The following MAGI2 variants were observed in gnomAD, a reference collection of about 807,000 sequenced individuals.
MAGI2 encodes membrane-associated guanylate kinase, WW and PDZ domain-containing protein 2.
In MAGI2, 35 loss-of-function variants were observed where a neutral mutation model predicts 133.3. That is an observed-to-expected ratio of 0.26 (90% confidence interval 0.20 to 0.35). MAGI2 has a LOEUF of 0.35. Among genes scored for constraint, MAGI2 ranks in the 10% least tolerant of loss-of-function variants. The probability of loss-of-function intolerance (pLI) is 1.00; values close to 1 mark genes in which losing one functional copy is unlikely to be tolerated. For missense variants in MAGI2, 1,636 were observed against 1,863.4 expected, an observed-to-expected ratio of 0.88 and a Z score of 2.25; for synonymous variants, 729 against 710.6, an observed-to-expected ratio of 1.03 and a Z score of -0.41.
At chr7:79,107,158 A>G (rs1423024030) in intron 1 of MAGI2, among the ~76,000 whole-genome samples, 1 of 152,186 alleles carries the variant, frequency 6.6e-6, no homozygotes, top group East Asian at 1.9e-4. Context: ...GTCTAACCAC[A>G]TGAATAAGTG....
intron 1 of MAGI2, among the ~76,000 whole-genome samples, chr7:79,208,499 C>G (rs1291156868): frequency 2.6e-5 from 4 of 151,924 alleles, no homozygotes; most frequent in African/African-American, 9.7e-5. Context: ...GATGTCACCT[C>G]ACACCTGTTA....
chr7:78,619,589 G>A (rs1264896610), intron 3 of MAGI2, among the ~76,000 whole-genome samples: 1 of 151,882 alleles, frequency 6.6e-6, no homozygotes, highest in Non-Finnish European at 1.5e-5. Context: ...AGAAAAAAGT[G>A]CTTAGAAATA....
intron 2 of MAGI2, among the ~76,000 whole-genome samples, chr7:78,869,942 T>C (rs1465824190): frequency 1.3e-5 from 2 of 152,204 alleles, no homozygotes; most frequent in Non-Finnish European, 2.9e-5. Flanking sequence ...TTCTGCTTCA[T>C]TGGTCTTTGT....
intron 9 of MAGI2, among the ~76,000 whole-genome samples, chr7:78,282,164 A>T (rs543238865): frequency 9.8e-5 from 14 of 143,532 alleles, no homozygotes; most frequent in African/African-American, 4.0e-4. Context: ...CTTTGGATTT[A>T]AAAAGAAGCT....
intron 2 of MAGI2, among the ~76,000 whole-genome samples, chr7:78,748,158 TAA>T (rs11301409): frequency 0.013 from 1,937 of 149,342 alleles, 48 homozygotes; most frequent in African/African-American, 0.044. Flanking sequence ...CTTGAGGATT[TAA>T]AAAAAAAAAA....
chr7:78,577,472 T>G (rs1221614338), intron 3 of MAGI2, among the ~76,000 whole-genome samples: 1 of 152,216 alleles, frequency 6.6e-6, no homozygotes, highest in Non-Finnish European at 1.5e-5. Context: ...GAAATTATGC[T>G]GATTTTCATG....
At chr7:78,096,555 A>T (rs1411339057) in intron 20 of MAGI2, among the ~76,000 whole-genome samples, 1 of 152,220 alleles carries the variant, frequency 6.6e-6, no homozygotes, top group East Asian at 1.9e-4. Context: ...TTAACATTGG[A>T]ATTAATGTAT....
intron 1 of MAGI2, among the ~76,000 whole-genome samples, chr7:79,163,741 G>A (rs2129547948): frequency 6.6e-6 from 1 of 152,100 alleles, no homozygotes; most frequent in East Asian, 2.0e-4. Flanking sequence ...GTTGTTTACT[G>A]CCCTCTGATT....
At chr7:79,331,847 C>A (rs1437238345) in intron 1 of MAGI2, among the ~76,000 whole-genome samples, 2 of 151,860 alleles carry the variant, frequency 1.3e-5, no homozygotes, top group Non-Finnish European at 2.9e-5. Context: ...CTAGTTCCAT[C>A]TCTTTATGAT....
chr7:78,207,528 A>G (rs992617813), intron 10 of MAGI2, among the ~76,000 whole-genome samples: 1 of 152,358 alleles, frequency 6.6e-6, no homozygotes, highest in Admixed American at 6.5e-5. Flanking sequence ...AATGTAAGCC[A>G]GCAGAGTCAT....
intron 1 of MAGI2, among the ~76,000 whole-genome samples, chr7:79,380,962 C>T (rs973651442): frequency 4.0e-5 from 6 of 151,828 alleles, no homozygotes; most frequent in African/African-American, 1.4e-4. Flanking sequence ...TAACAATGGG[C>T]TACTCTCTTT....
intron 6 of MAGI2, among the ~76,000 whole-genome samples, chr7:78,430,535 A>G (rs1414786149): frequency 6.6e-6 from 1 of 152,042 alleles, no homozygotes; most frequent in Non-Finnish European, 1.5e-5. Context: ...ATTATAAACC[A>G]TTTCTTCTGA....
At chr7:79,452,121 A>T (rs1849312715) in intron 1 of MAGI2, among the ~76,000 whole-genome samples, 1 of 152,006 alleles carries the variant, frequency 6.6e-6, no homozygotes, top group African/African-American at 2.4e-5. Flanking sequence ...CTCCTCCCCC[A>T]AAACACGCCC....
At chr7:79,353,371 C>G in intron 1 of MAGI2, 1 of 439,508 alleles carries the variant, frequency 2.3e-6, no homozygotes, top group Non-Finnish European at 4.6e-6. Flanking sequence ...GGAAGCCTTG[C>G]TGTCTCTGGC....
At chr7:78,396,780 G>C (rs1040492748) in intron 6 of MAGI2, among the ~76,000 whole-genome samples, 3 of 152,138 alleles carry the variant, frequency 2.0e-5, no homozygotes, top group Admixed American at 2.0e-4. Flanking sequence ...AGTGAAGAGG[G>C]TGATGTGATG....
At chr7:78,148,489 TA>T (rs1169671604) in intron 16 of MAGI2, among the ~76,000 whole-genome samples, 3 of 151,866 alleles carry the variant, frequency 2.0e-5, no homozygotes, top group African/African-American at 7.3e-5. Flanking sequence ...ACCTTTAAAA[TA>T]GGGGGAAAAG....
At chr7:78,679,871 C>A (rs1217725801) in intron 2 of MAGI2, among the ~76,000 whole-genome samples, 1 of 152,060 alleles carries the variant, frequency 6.6e-6, no homozygotes, top group Non-Finnish European at 1.5e-5. Context: ...CTACATTTTG[C>A]CCACCACAGA....
chr7:78,589,051 T>C (rs963580559), intron 3 of MAGI2, among the ~76,000 whole-genome samples: 1 of 152,182 alleles, frequency 6.6e-6, no homozygotes, highest in African/African-American at 2.4e-5. Context: ...AGGATTCCTA[T>C]GTGGTTTATC....
intron 2 of MAGI2, among the ~76,000 whole-genome samples, chr7:78,805,346 T>A (rs1285871116): frequency 6.6e-6 from 1 of 152,116 alleles, no homozygotes; most frequent in African/African-American, 2.4e-5. Context: ...GGTGCTCATT[T>A]AATCATGTTC....
Sources: gnomAD v4.1 joint callset for allele counts (sites outside exome capture counted in the v4.1 genomes callset) on GRCh38, gnomAD v4.1.1 for gene constraint, MANE v1.5 for transcripts, NCBI Gene and HGNC (gene_info 2026-07-23, HGNC 2026-07-21) for gene names.